ERBIN: variants seen among roughly 807,000 people sequenced by gnomAD.
The protein encoded by ERBIN is erbb2 interacting protein.
Under a neutral mutation model 158.4 loss-of-function variants are expected in ERBIN, and 60 were observed. That is an observed-to-expected ratio of 0.38 (90% CI 0.31 to 0.47). The LOEUF (loss-of-function observed/expected upper bound fraction) is 0.47, where lower values mean the gene tolerates loss of function less well. ERBIN is among the 20% of genes least tolerant of loss of function. The pLI is 0.99. For synonymous variants in ERBIN, 594 were observed against 557.2 expected, an observed-to-expected ratio of 1.07 and a Z score of -0.93; for missense variants, 1,610 against 1,648.0, an observed-to-expected ratio of 0.98 and a Z score of 0.40.
chr5:65,976,868 G>T (rs1262997686), intron 1 of ERBIN, among the ~76,000 whole-genome samples: 1 of 150,068 alleles, frequency 6.7e-6, no homozygotes, highest in African/African-American at 2.4e-5. Context: ...CAAGGCAGAA[G>T]AATTTTTCTT....
chr5:65,947,172 T>G (rs1745866794), intron 1 of ERBIN, among the ~76,000 whole-genome samples: 1 of 152,176 alleles, frequency 6.6e-6, no homozygotes, highest in Non-Finnish European at 1.5e-5. Context: ...TTGGCTATTT[T>G]TGTATCCTGA....
chr5:66,013,643 A>G lies in ERBIN; in HGVS notation c.476+5A>G, dbSNP rs1214534311. The G allele has an allele frequency of 5.6e-6, 9 of 1,599,282 alleles. No homozygotes were observed. The highest frequency in any genetic ancestry group is 6.0e-6 in the Non-Finnish European group (7 of 1,166,942). On this transcript the variant is annotated splice_donor_5th_base_variant and intron_variant, in intron 6 of 25. Coordinates refer to ENST00000284037, the MANE Select transcript of ERBIN (RefSeq NM_001253697.2). ...CTTGCCAGCAAATTTTGGCAGGTAA[A>G]TTATGGTTTCTTCTAAAACGTTTTA...
At chr5:65,944,564 C>T (rs1580106692) in intron 1 of ERBIN, among the ~76,000 whole-genome samples, 1 of 152,090 alleles carries the variant, frequency 6.6e-6, no homozygotes, top group African/African-American at 2.4e-5. Context: ...GCCACCCTAC[C>T]TGGATAATTT....
rs150033466 is a variant in ERBIN, at chr5:66,052,760, C to T, written c.2088-646C>T. On this transcript the variant is annotated intron_variant, in intron 20 of 25. Transcript: ENST00000284037. The stretch of plus-strand genomic sequence containing the variant: ...TATTTTGTATAATTTTGGAATGACA[C>T]ATTTAAAAGTATTTACCAAATACAG... 2.2e-3 allele frequency among the ~76,000 whole-genome samples: 342 copies of T among 152,216 alleles called. 2 individuals are homozygous for T. Among genetic ancestry groups the T allele is most frequent in the African/African-American group, 7.6e-3 (316 of 41,544 alleles).
intron 21 of ERBIN, among the ~76,000 whole-genome samples, chr5:66,063,086 A>T (rs1760598887): frequency 1.3e-5 from 2 of 152,216 alleles, no homozygotes; most frequent in Non-Finnish European, 2.9e-5. Context: ...GGGACATTTA[A>T]GTCTGCAGAG....
chr5:65,974,615 C>G (rs1162818662), intron 1 of ERBIN, among the ~76,000 whole-genome samples: 2 of 152,224 alleles, frequency 1.3e-5, no homozygotes, highest in Non-Finnish European at 2.9e-5. Flanking sequence ...TCCTGTAGGT[C>G]ATTCTCTAGA....
rs753924849 is a variant in ERBIN, at chr5:66,054,467, C to T, written c.3149C>T (p.Pro1050Leu). The T allele has an allele frequency of 1.2e-6, 2 of 1,613,970 alleles. No homozygotes were observed. The highest frequency in any genetic ancestry group is 1.7e-6 in the Non-Finnish European group (2 of 1,180,004). ...TAYHLHQRLG[P>L]ARHGEMWAIS... ...TACCATTTACATCAGAGACTTGGCC[C>T]AGCAAGACATGGGGAAATGTGGGCC... The change falls in exon 21 of 26, where the codon CCA becomes CTA. Residue 1050 changes from proline (P) to leucine (L), a missense_variant. Physicochemically the swap from Pro to Leu is moderately conservative, Grantham distance 98. Around this residue, in one of 2 missense-constraint regions of ERBIN, gnomAD observed 1,014 missense variants for 936.1 expected, o/e 1.08. Coordinates refer to ENST00000284037, the MANE Select transcript of ERBIN (RefSeq NM_001253697.2).
At chr5:66,033,019 C>G (rs1460814471) in intron 14 of ERBIN, among the ~76,000 whole-genome samples, 1 of 152,166 alleles carries the variant, frequency 6.6e-6, no homozygotes, top group Non-Finnish European at 1.5e-5. Flanking sequence ...GTTAGCCATG[C>G]ATAGAACACG....
At chr5:66,027,622 TAGGTATTATA>T (rs1756419586) in intron 13 of ERBIN, among the ~76,000 whole-genome samples, 1 of 152,062 alleles carries the variant, frequency 6.6e-6, no homozygotes, top group Non-Finnish European at 1.5e-5. Flanking sequence ...TATATTTTAA[TAGGTATTATA>T]AGTACTCTAG....
chr5:66,010,934 T>C (rs1245412994), intron 4 of ERBIN, among the ~76,000 whole-genome samples: 2 of 152,238 alleles, frequency 1.3e-5, no homozygotes, highest in Admixed American at 1.3e-4. Flanking sequence ...TCAGAATCTT[T>C]CACTGCAGTT....
intron 3 of ERBIN, 72 bp downstream of exon 3, chr5:65,992,979 T>G (rs1752037818): frequency 8.5e-7 from 1 of 1,182,536 alleles, no homozygotes; most frequent in Non-Finnish European, 1.1e-6. Context: ...TTCCTAATAT[T>G]GCTATAAAGT....
chr5:65,977,990 A>G (rs1007399756), intron 1 of ERBIN, among the ~76,000 whole-genome samples: 10 of 23,656 alleles, frequency 4.2e-4, no homozygotes, highest in Admixed American at 2.5e-3. Context: ...AGAGGGAGCG[A>G]GAAAGCTATT....
At chr5:65,958,728 A>G (rs936981354) in intron 1 of ERBIN, among the ~76,000 whole-genome samples, 7 of 152,190 alleles carry the variant, frequency 4.6e-5, no homozygotes, top group Admixed American at 2.0e-4. Context: ...TACATGTTCA[A>G]TAGAAATCCT....
intron 4 of ERBIN, among the ~76,000 whole-genome samples, chr5:65,998,766 A>G (rs919991793): frequency 3.9e-5 from 6 of 152,018 alleles, no homozygotes; most frequent in Non-Finnish European, 8.8e-5. Flanking sequence ...ACATGGTGGC[A>G]TGTGCCTGTG....
At chr5:65,985,092 CA>C (rs1295581678) in intron 1 of ERBIN, among the ~76,000 whole-genome samples, 2 of 152,134 alleles carry the variant, frequency 1.3e-5, no homozygotes, top group African/African-American at 4.8e-5. Context: ...AATCACATGA[CA>C]TTTTTTTGTT....
At chr5:66,068,812 T>C in intron 21 of ERBIN, 1 of 1,397,254 alleles carries the variant, frequency 7.2e-7, no homozygotes, top group Non-Finnish European at 9.5e-7. Flanking sequence ...TCTACGTATA[T>C]AACATGTCTC....
chr5:65,985,896 T>C (rs1383549362), intron 1 of ERBIN, among the ~76,000 whole-genome samples: 1 of 152,228 alleles, frequency 6.6e-6, no homozygotes, highest in Non-Finnish European at 1.5e-5. Flanking sequence ...TCTAAGTCCT[T>C]ATTAACAGAG....
At chr5:65,999,651 C>T (rs1346080871) in intron 4 of ERBIN, among the ~76,000 whole-genome samples, 1 of 152,164 alleles carries the variant, frequency 6.6e-6, no homozygotes, top group East Asian at 1.9e-4. Context: ...AAATCAGGAA[C>T]AGTTTGCTCA....
At chr5:66,025,294 G>A (rs1756117225) in intron 10 of ERBIN, 186 bp from the exon 11 acceptor site, 4 of 608,302 alleles carry the variant, frequency 6.6e-6, no homozygotes, top group South Asian at 5.7e-5. Flanking sequence ...TAGTGATGTG[G>A]ATGAAGATTG....
Sources: allele counts gnomAD v4.1 joint callset (sites outside exome capture counted in the v4.1 genomes callset), GRCh38; gene constraint gnomAD v4.1.1; regional missense constraint gnomAD v4.1.1; transcripts MANE v1.5; gene names NCBI Gene and HGNC (gene_info 2026-07-23, HGNC 2026-07-21).